The following TMOD3 variants were observed in gnomAD, a reference collection of about 807,000 sequenced individuals.
TMOD3 encodes tropomodulin-3.
A neutral mutation model predicts 39.2 loss-of-function variants in TMOD3; 20 were observed. The observed-to-expected ratio is 0.51, with a 90% CI of 0.36 to 0.74. The LOEUF (loss-of-function observed/expected upper bound fraction) is 0.74, where lower values mean the gene tolerates loss of function less well. Ranked by LOEUF, TMOD3 falls within the 30% of genes least tolerant of loss-of-function variation. The pLI, the probability that TMOD3 is intolerant of heterozygous loss-of-function variation, is 0.00. For synonymous variants in TMOD3, 143 were observed against 145.8 expected, an observed-to-expected ratio of 0.98 and a Z score of 0.14; for missense variants, 381 against 412.8, an observed-to-expected ratio of 0.92 and a Z score of 0.67.
At chr15:51,905,738 A>G (rs1407418014) in intron 9 of TMOD3, among the ~76,000 whole-genome samples, 1 of 152,116 alleles carries the variant, frequency 6.6e-6, no homozygotes, top group Non-Finnish European at 1.5e-5. Context: ...AACTTATATC[A>G]GTGGAGTGTG....
intron 3 of TMOD3, among the ~76,000 whole-genome samples, chr15:51,881,427 A>C (rs2056532996): frequency 6.6e-6 from 1 of 152,102 alleles, no homozygotes; most frequent in Non-Finnish European, 1.5e-5. Flanking sequence ...TTTGCCCCAC[A>C]AAAGTTTTTA....
intron 8 of TMOD3, 58 bp downstream of exon 8, chr15:51,900,356 C>CT: frequency 1.9e-6 from 3 of 1,584,210 alleles, no homozygotes; most frequent in Non-Finnish European, 2.6e-6. Flanking sequence ...CTGTGTAGGG[C>CT]TTGGCGACTC....
chr15:51,886,568 A>G (rs1271928911), intron 3 of TMOD3, among the ~76,000 whole-genome samples: 3 of 152,178 alleles, frequency 2.0e-5, no homozygotes, highest in African/African-American at 4.8e-5. Context: ...GGGCAGGCTG[A>G]GGCAGGAGAA....
At chr15:51,870,537 G>A (rs2056469902) in intron 3 of TMOD3, among the ~76,000 whole-genome samples, 1 of 152,166 alleles carries the variant, frequency 6.6e-6, no homozygotes, top group African/African-American at 2.4e-5. Flanking sequence ...GGCCAGAACT[G>A]TGTCACATGG....
intron 3 of TMOD3, among the ~76,000 whole-genome samples, chr15:51,883,724 G>A (rs1193243517): frequency 1.3e-5 from 2 of 152,114 alleles, no homozygotes; most frequent in African/African-American, 4.8e-5. Flanking sequence ...AACTAAACCA[G>A]CATCTCTAGA....
At position 51,911,332 on chromosome 15, in the gene TMOD3, A is replaced by T. The variant is rs539952936; in HGVS notation, c.*2522A>T. On this transcript the variant is annotated 3_prime_UTR_variant, in exon 10 of 10. Transcript: ENST00000308580. ...TGAGTATTTTGCTTGTACCATTTCA[A>T]TTCTGCATTATAGTAGTTCATTGTA... 5.3e-5 allele frequency: 8 copies of T among 152,174 alleles called. No individual in the cohort carries two copies. The highest frequency in any genetic ancestry group is 1.0e-4 in the Non-Finnish European group (7 of 68,036). 9.4% of individuals were successfully genotyped at this position (152,174 alleles called of 1,614,324 possible).
chr15:51,856,192 A>G (rs536093693), intron 1 of TMOD3, among the ~76,000 whole-genome samples: 1 of 152,286 alleles, frequency 6.6e-6, no homozygotes, highest in East Asian at 1.9e-4. Flanking sequence ...GAGCCCAGGA[A>G]GCAGAGGCTG....
At chr15:51,845,270 A>G (rs2056330294) in intron 1 of TMOD3, among the ~76,000 whole-genome samples, 1 of 152,184 alleles carries the variant, frequency 6.6e-6, no homozygotes, top group African/African-American at 2.4e-5. Context: ...AGTGAAAAAA[A>G]GGCTGTTTGA....
At chr15:51,831,898 C>A (rs1159255030) in intron 1 of TMOD3, among the ~76,000 whole-genome samples, 1 of 152,068 alleles carries the variant, frequency 6.6e-6, no homozygotes, top group African/African-American at 2.4e-5. Context: ...GACATGAGGC[C>A]AGGGCCGGGC....
intron 3 of TMOD3, among the ~76,000 whole-genome samples, chr15:51,873,143 C>T (rs938195391): frequency 6.6e-6 from 1 of 152,240 alleles, no homozygotes; most frequent in Non-Finnish European, 1.5e-5. Context: ...ATGCCTTCCT[C>T]TCTCTTCATC....
At chr15:51,897,635 C>T (rs2056627752) in intron 7 of TMOD3, among the ~76,000 whole-genome samples, 1 of 151,332 alleles carries the variant, frequency 6.6e-6, no homozygotes, top group African/African-American at 2.4e-5. Context: ...CAGGCATGCG[C>T]CACCACGCCT....
At chr15:51,908,162 G>T (rs80269030) in intron 9 of TMOD3, among the ~76,000 whole-genome samples, 2,338 of 152,310 alleles carry the variant, frequency 0.015, 67 homozygotes, top group East Asian at 0.075. Context: ...AATCAGGAGA[G>T]CATGCAAATA....
intron 1 of TMOD3, among the ~76,000 whole-genome samples, chr15:51,851,475 A>G (rs1429303267): frequency 6.6e-6 from 1 of 152,164 alleles, no homozygotes; most frequent in East Asian, 1.9e-4. Flanking sequence ...ACAGCCAGCA[A>G]ATGTTTTATT....
At chr15:51,860,226 C>G (rs561948034) in intron 1 of TMOD3, 3 of 496,920 alleles carry the variant, frequency 6.0e-6, no homozygotes, top group East Asian at 5.3e-5. Flanking sequence ...TATTTGTAGA[C>G]CTTTGGCAAA....
intron 1 of TMOD3, among the ~76,000 whole-genome samples, chr15:51,844,883 C>G (rs568825899): frequency 6.6e-6 from 1 of 151,794 alleles, no homozygotes; most frequent in African/African-American, 2.4e-5. Context: ...CTTTTTTTTC[C>G]CCTCTACTAC....
chr15:51,913,927 C>T lies in TMOD3; in HGVS notation c.*5117C>T, dbSNP rs1454861919. The T allele has an allele frequency of 9.3e-5, 14 of 150,680 alleles. No individual in the cohort carries two copies. The highest frequency in any genetic ancestry group is 3.2e-4 in the African/African-American group (13 of 40,978). 9.3% of individuals were successfully genotyped at this position (150,680 alleles called of 1,614,324 possible). On this transcript the variant is annotated 3_prime_UTR_variant, in exon 10 of 10. Coordinates refer to ENST00000308580, the MANE Select transcript of TMOD3 (RefSeq NM_014547.5). ...ACTCGGAAGACTGAGGCAGCAGAAC[C>T]GCTTGAGCCTAGGAGGTGGAGGTTG... is the stretch of plus-strand genomic sequence containing the variant.
At chr15:51,865,275 G>C (rs1053005524) in intron 2 of TMOD3, among the ~76,000 whole-genome samples, 1 of 152,124 alleles carries the variant, frequency 6.6e-6, no homozygotes, top group Non-Finnish European at 1.5e-5. Flanking sequence ...ATGTCCTCTA[G>C]GGGACAAAAA....
At chr15:51,830,845 G>A (rs2056251436) in intron 1 of TMOD3, among the ~76,000 whole-genome samples, 1 of 152,150 alleles carries the variant, frequency 6.6e-6, no homozygotes, top group Non-Finnish European at 1.5e-5. Context: ...ACTCTTGCTA[G>A]TTTCTTCTTC....
In TMOD3 at chr15:51,847,219, A is replaced by T. The variant is rs115218511; in HGVS notation, c.-74-15592A>T. On this transcript the variant is annotated intron_variant, in intron 1 of 9. Coordinates refer to ENST00000308580, the MANE Select transcript of TMOD3 (RefSeq NM_014547.5). ...CACAGAACTAATCTGGCTACTTTCT[A>T]CTTTAAGGTAGTCCTCCGTGATCTG... 4.3e-3 allele frequency among the ~76,000 whole-genome samples: 662 copies of T among 152,318 alleles called. 6 individuals are homozygous for T. The highest frequency in any genetic ancestry group is 0.015 in the African/African-American group (637 of 41,578).
Sources: gnomAD v4.1 joint callset for allele counts (sites outside exome capture counted in the v4.1 genomes callset) on GRCh38, gnomAD v4.1.1 for gene constraint, MANE v1.5 for transcripts, NCBI Gene and HGNC (gene_info 2026-07-23, HGNC 2026-07-21) for gene names.